Variants in PGM5 observed in about 807,000 individuals in gnomAD.
PGM5 encodes the protein phosphoglucomutase-like protein 5.
A neutral mutation model predicts 59.2 loss-of-function variants in PGM5; 23 were observed. The ratio of observed to expected loss-of-function variants is 0.39; its 90% CI spans 0.28 to 0.55. The LOEUF (loss-of-function observed/expected upper bound fraction) is 0.55. PGM5 is among the 20% of genes least tolerant of loss of function. PGM5 has a pLI of 0.66. For synonymous variants in PGM5, 214 were observed against 286.0 expected (o/e 0.75, Z 2.54); for missense variants, 574 against 748.3 (o/e 0.77, Z 2.72).
At chr9:68,517,182 C>A (rs556881279) in intron 10 of PGM5, among the ~76,000 whole-genome samples, 2 of 152,142 alleles carry the variant, frequency 1.3e-5, no homozygotes, top group South Asian at 4.1e-4. Context: ...CTGCGCCTAG[C>A]CTAGTTCTGT....
chr9:68,528,434 G>T (rs763082450), intron 10 of PGM5, among the ~76,000 whole-genome samples: 2 of 151,996 alleles, frequency 1.3e-5, no homozygotes, highest in African/African-American at 4.8e-5. Context: ...GTAGAGATGC[G>T]GTCTATGTTG....
intron 9 of PGM5, among the ~76,000 whole-genome samples, chr9:68,489,467 T>C (rs1554687752): frequency 7.0e-6 from 1 of 143,276 alleles, no homozygotes; most frequent in Admixed American, 7.0e-5. Context: ...TCTTTTTCTT[T>C]TCTTTTTTTT....
intron 1 of PGM5, among the ~76,000 whole-genome samples, chr9:68,361,062 G>A (rs1441045187): frequency 6.6e-6 from 1 of 152,090 alleles, no homozygotes; most frequent in African/African-American, 2.4e-5. Context: ...AGGACTATAG[G>A]TGCACACCAC....
chr9:68,375,172 A>G (rs1821846538), intron 1 of PGM5, among the ~76,000 whole-genome samples: 1 of 152,236 alleles, frequency 6.6e-6, no homozygotes, highest in Non-Finnish European at 1.5e-5. Flanking sequence ...CCAAGAGAGC[A>G]GGGGAGAAGT....
chr9:68,464,969 C>T (rs1823910194), intron 6 of PGM5, 124 bp from the exon 7 acceptor site: 8 of 583,014 alleles, frequency 1.4e-5, no homozygotes, highest in Non-Finnish European at 2.5e-5. Context: ...TCTGTCAACA[C>T]TACCCAGGTT....
At chr9:68,378,740 C>T (rs1821989158) in intron 2 of PGM5, among the ~76,000 whole-genome samples, 1 of 152,150 alleles carries the variant, frequency 6.6e-6, no homozygotes, top group African/African-American at 2.4e-5. Flanking sequence ...CAGGGTTGAT[C>T]AGGGTCAGAT....
At chr9:68,456,482 T>TC (rs1823779221) in intron 6 of PGM5, among the ~76,000 whole-genome samples, 1 of 151,264 alleles carries the variant, frequency 6.6e-6, no homozygotes, top group African/African-American at 2.4e-5. Flanking sequence ...GGCTAATTTT[T>TC]TTTTTTTTTT....
chr9:68,397,894 G>C (rs1195045942), intron 6 of PGM5: 1 of 152,242 alleles, frequency 6.6e-6, no homozygotes, highest in Non-Finnish European at 1.5e-5. Context: ...TTATTCCTCA[G>C]AAGGTAGTCT....
chr9:68,473,289 A>G (rs1315548067), intron 7 of PGM5, among the ~76,000 whole-genome samples: 4 of 152,224 alleles, frequency 2.6e-5, no homozygotes, highest in Non-Finnish European at 5.9e-5. Context: ...GAAAAAAGGT[A>G]AACTGGAGAA....
chr9:68,494,188 A>C (rs2132101268), intron 9 of PGM5, among the ~76,000 whole-genome samples: 1 of 152,142 alleles, frequency 6.6e-6, no homozygotes. Flanking sequence ...GAATTCTTTC[A>C]CAGTTGCTCC....
At chr9:68,362,354 T>C (rs1329411146) in intron 1 of PGM5, among the ~76,000 whole-genome samples, 3 of 152,264 alleles carry the variant, frequency 2.0e-5, no homozygotes, top group Admixed American at 2.0e-4. Flanking sequence ...GATGCTTGGA[T>C]TTTTATATTT....
At chr9:68,404,093 G>C (rs1459251787) in intron 6 of PGM5, among the ~76,000 whole-genome samples, 1 of 152,048 alleles carries the variant, frequency 6.6e-6, no homozygotes, top group Non-Finnish European at 1.5e-5. Context: ...GGGTAAAGTG[G>C]GTTAAGCAGG....
chr9:68,407,528 T>C (rs1274974465), intron 6 of PGM5, among the ~76,000 whole-genome samples: 1 of 152,202 alleles, frequency 6.6e-6, no homozygotes, highest in Non-Finnish European at 1.5e-5. Flanking sequence ...AGAACACATA[T>C]AGGACCCTAG....
At chr9:68,446,393 A>C (rs1823612724) in intron 6 of PGM5, among the ~76,000 whole-genome samples, 1 of 152,376 alleles carries the variant, frequency 6.6e-6, no homozygotes, top group African/African-American at 2.4e-5. Flanking sequence ...CAACCTTAGG[A>C]TAGAGAGTGA....
intron 6 of PGM5, chr9:68,402,560 G>T (rs1822700170): frequency 6.6e-6 from 1 of 152,138 alleles, no homozygotes; most frequent in Admixed American, 6.5e-5. Flanking sequence ...TAAATATATA[G>T]CCTGCAATCT....
intron 6 of PGM5, among the ~76,000 whole-genome samples, chr9:68,407,682 T>C (rs1157636642): frequency 6.6e-6 from 1 of 152,220 alleles, no homozygotes; most frequent in Admixed American, 6.5e-5. Context: ...CTTCTGATAA[T>C]AGGGGTTTGA....
At chr9:68,529,164 C>CGTGTGTGT (rs3223716) in intron 10 of PGM5, among the ~76,000 whole-genome samples, 6,392 of 131,800 alleles carry the variant, frequency 0.048, 220 homozygotes, top group Non-Finnish European at 0.063. Context: ...CTTTTATTCT[C>CGTGTGTGT]GTGTGTGTGT....
chr9:68,376,799 TTCTTTC>T (rs1169160724), intron 1 of PGM5, among the ~76,000 whole-genome samples: 1 of 109,088 alleles, frequency 9.2e-6, no homozygotes, highest in Non-Finnish European at 1.9e-5. Flanking sequence ...CTTTCTTTCT[TTCTTTC>T]TTTCTTTCTT....
At chr9:68,447,423 A>G (rs1823630400) in intron 6 of PGM5, among the ~76,000 whole-genome samples, 2 of 152,074 alleles carry the variant, frequency 1.3e-5, no homozygotes, top group South Asian at 2.1e-4. Flanking sequence ...GAGTTTGGAG[A>G]GAGAGAGAGA....
Sources: gnomAD v4.1 joint callset for allele counts (sites outside exome capture counted in the v4.1 genomes callset) on GRCh38, gnomAD v4.1.1 for gene constraint, MANE v1.5 for transcripts, NCBI Gene and HGNC (gene_info 2026-07-23, HGNC 2026-07-21) for gene names.